SERGEF: variants seen among roughly 807,000 people sequenced by gnomAD.
SERGEF encodes secretion regulating guanine nucleotide exchange factor, also known as secretion-regulating guanine nucleotide exchange factor.
Under a neutral mutation model 50.0 loss-of-function variants are expected in SERGEF, and 51 were observed. The ratio of observed to expected loss-of-function variants is 1.02; its 90% CI spans 0.81 to 1.29. The LOEUF (loss-of-function observed/expected upper bound fraction) is 1.29, where lower values mean the gene tolerates loss of function less well. SERGEF is among the 50% of genes most tolerant of loss of function. The pLI is 0.00. For missense variants in SERGEF, 521 were observed against 557.0 expected (o/e 0.94, Z 0.65); for synonymous variants, 205 against 212.4 (o/e 0.97, Z 0.30).
intron 10 of SERGEF, among the ~76,000 whole-genome samples, chr11:17,841,368 C>T (rs546824469): frequency 6.6e-6 from 1 of 152,344 alleles, no homozygotes; most frequent in Admixed American, 6.5e-5. Context: ...CCCACTTATG[C>T]ACCCAGAAAC....
chr11:17,794,015 T>C (rs1849531712), intron 10 of SERGEF, among the ~76,000 whole-genome samples: 1 of 152,164 alleles, frequency 6.6e-6, no homozygotes, highest in Non-Finnish European at 1.5e-5. Flanking sequence ...CATAGGGCCT[T>C]ATGGTGCTGG....
At position 17,884,730 on chromosome 11, in the gene SERGEF, T is replaced by C. The variant is rs1474532362; in HGVS notation, c.1012-6486A>G. Among the ~76,000 whole-genome samples the C allele has an allele frequency of 6.6e-6, 1 of 152,138 alleles. No individual in the cohort carries two copies. The highest frequency in any genetic ancestry group is 2.4e-5 in the African/African-American group (1 of 41,418). On this transcript the variant is annotated intron_variant, in intron 9 of 10. Coordinates refer to ENST00000265965, the MANE Select transcript of SERGEF (RefSeq NM_012139.4). This position sits in a 1 kb window ranked among gnomAD's most constrained non-coding sequence, Gnocchi z 4.6. ...ATTTTATTTCATATATATGTGTATA[T>C]GTTATATATACATTTTTAAAAAAAG... is the stretch of plus-strand genomic sequence containing the variant.
intron 9 of SERGEF, among the ~76,000 whole-genome samples, chr11:17,930,084 C>T (rs1340939524): frequency 6.6e-6 from 1 of 152,226 alleles, no homozygotes; most frequent in Non-Finnish European, 1.5e-5. Flanking sequence ...AGACCCAAAT[C>T]TGAACCCCAG....
chr11:17,846,838 C>T, intron 10 of SERGEF: 1 of 446,842 alleles, frequency 2.2e-6, no homozygotes, highest in Non-Finnish European at 4.5e-6. Context: ...AATAGATGAG[C>T]CTCCTAGTAT....
intron 9 of SERGEF, among the ~76,000 whole-genome samples, chr11:17,938,434 C>CA (rs1342099317): frequency 6.6e-6 from 1 of 152,164 alleles, no homozygotes. Flanking sequence ...GAAAGCCATA[C>CA]AGCAAGTTAT....
At chr11:17,962,003 T>A (rs1303113807) in intron 8 of SERGEF, among the ~76,000 whole-genome samples, 1 of 152,182 alleles carries the variant, frequency 6.6e-6, no homozygotes, top group Non-Finnish European at 1.5e-5. Flanking sequence ...ATTTTACAGA[T>A]GAGGTTAAAT....
intron 9 of SERGEF, among the ~76,000 whole-genome samples, chr11:17,929,301 C>T (rs1590203153): frequency 6.6e-6 from 1 of 152,188 alleles, no homozygotes; most frequent in Non-Finnish European, 1.5e-5. Flanking sequence ...AATCAAATCA[C>T]TGACGCTATT....
rs143670763 is a variant in SERGEF, at chr11:17,926,473, C to G, written c.1011+32997G>C. Among the ~76,000 whole-genome samples, 372 of 152,270 alleles carry G rather than the reference C, an allele frequency of 2.4e-3. 1 individual carries two copies. Among genetic ancestry groups the G allele is most frequent in the Middle Eastern group, 0.01 (3 of 294 alleles). ...CAGAGTGCCTGGCTCCACGTCCACA[C>G]CAGGTGACCTTTACTCCAGCGTACC... On this transcript the variant is annotated intron_variant, in intron 9 of 10. Transcript: ENST00000265965.
chr11:17,904,715 C>A (rs546623029), intron 9 of SERGEF, among the ~76,000 whole-genome samples: 1 of 152,188 alleles, frequency 6.6e-6, no homozygotes, highest in Non-Finnish European at 1.5e-5. Context: ...CAACTAGATG[C>A]AAGGCCTACC....
chr11:17,914,417 T>A (rs892645327), intron 9 of SERGEF, among the ~76,000 whole-genome samples: 5 of 136,662 alleles, frequency 3.7e-5, no homozygotes, highest in East Asian at 2.4e-4. Context: ...TTTATTTTTT[T>A]AATTTATTTT....
chr11:17,948,211 T>C (rs910183329), intron 9 of SERGEF, among the ~76,000 whole-genome samples: 1 of 152,216 alleles, frequency 6.6e-6, no homozygotes, highest in South Asian at 2.1e-4. Context: ...GAAAAACCAA[T>C]GTAAGAAATC....
intron 10 of SERGEF, among the ~76,000 whole-genome samples, chr11:17,807,328 T>TC (rs3216315): frequency 6.3e-4 from 44 of 69,366 alleles, no homozygotes; most frequent in African/African-American, 1.5e-3. Context: ...CTCAAAGAAC[T>TC]CCCCCCCCAC....
chr11:17,854,007 C>G (rs1457367423), intron 10 of SERGEF: 1 of 122,126 alleles, frequency 8.2e-6, no homozygotes, highest in African/African-American at 3.2e-5. Context: ...GGGGACAGAG[C>G]GAGACACCGT....
At chr11:17,993,695 A>G (rs1853768719) in intron 6 of SERGEF, among the ~76,000 whole-genome samples, 1 of 152,194 alleles carries the variant, frequency 6.6e-6, no homozygotes, top group African/African-American at 2.4e-5. Context: ...TTGTAATAAA[A>G]TGGCCCTCAC....
At chr11:17,788,517 GAAGACGCCA>G in intron 10 of SERGEF, 104 bp from the exon 11 acceptor site, 2 of 971,446 alleles carry the variant, frequency 2.1e-6, no homozygotes, top group Non-Finnish European at 2.9e-6. Flanking sequence ...GTTCACTCAG[GAAGACGCCA>G]AAGCTTAAGG....
chr11:17,830,649 G>GGAGAGAGAGAGGGGGGGAGAGA (rs1850285675), intron 10 of SERGEF, among the ~76,000 whole-genome samples: 10 of 77,754 alleles, frequency 1.3e-4, no homozygotes, highest in African/African-American at 5.2e-4. Context: ...GGAGAGGGAG[G>GGAGAGAGAGAGGGGGGGAGAGA]GAGAGAGAGA....
intron 9 of SERGEF, among the ~76,000 whole-genome samples, chr11:17,883,044 T>TGCTTCCCAGA (rs1389174029): frequency 1.3e-5 from 2 of 152,176 alleles, no homozygotes; most frequent in African/African-American, 2.4e-5. Flanking sequence ...TCTGTCTTAG[T>TGCTTCCCAGA]GCTTCCCAGA....
At chr11:17,823,039 G>A (rs1850111420) in intron 10 of SERGEF, among the ~76,000 whole-genome samples, 1 of 152,150 alleles carries the variant, frequency 6.6e-6, no homozygotes, top group Non-Finnish European at 1.5e-5. Context: ...TCTCCCTAAT[G>A]TCCTTTCTCT....
chr11:17,998,333 C>T (rs1853878957), intron 5 of SERGEF, among the ~76,000 whole-genome samples: 2 of 151,178 alleles, frequency 1.3e-5, no homozygotes, highest in African/African-American at 4.9e-5. Context: ...TAGAGGATCG[C>T]TTGAGCCCAG....
Sources: gnomAD v4.1 joint callset for allele counts (sites outside exome capture counted in the v4.1 genomes callset) on GRCh38, gnomAD v4.1.1 for gene constraint, Gnocchi (gnomAD v3.1) non-coding constraint, MANE v1.5 for transcripts, NCBI Gene and HGNC (gene_info 2026-07-23, HGNC 2026-07-21) for gene names.